Variants in SLC44A5 observed in about 807,000 individuals in gnomAD.
SLC44A5 encodes choline transporter-like protein 5.
Under a neutral mutation model 101.8 loss-of-function variants are expected in SLC44A5, and 57 were observed. The observed-to-expected ratio is 0.56, with a 90% CI of 0.45 to 0.70. The LOEUF is 0.70. Ranked by LOEUF, SLC44A5 falls within the 30% of genes least tolerant of loss-of-function variation. The pLI is 0.00. For synonymous variants in SLC44A5, 281 were observed against 290.9 expected, an observed-to-expected ratio of 0.97 and a Z score of 0.35; for missense variants, 737 against 853.1, an observed-to-expected ratio of 0.86 and a Z score of 1.70.
At chr1:75,697,715 G>A in the SLC44A5 span, among the ~76,000 whole-genome samples, 20 of 152,202 alleles carry the variant, frequency 1.3e-4, no homozygotes, top group East Asian at 3.9e-4. Context: ...GAAGACGGGC[G>A]ATTTCTGCAT....
At chr1:75,230,169 T>C (rs1647416501) in intron 12 of SLC44A5, among the ~76,000 whole-genome samples, 1 of 152,232 alleles carries the variant, frequency 6.6e-6, no homozygotes, top group Admixed American at 6.5e-5. Context: ...TCTTCATGTA[T>C]GCCTGGACGT....
intron 5 of SLC44A5, among the ~76,000 whole-genome samples, chr1:75,279,891 T>C (rs1483715222): frequency 6.6e-6 from 1 of 151,794 alleles, no homozygotes; most frequent in Non-Finnish European, 1.5e-5. Context: ...TAGTATTTTG[T>C]CTCTCAACCC....
chr1:75,693,258 T>C, the SLC44A5 span, among the ~76,000 whole-genome samples: 1 of 152,236 alleles, frequency 6.6e-6, no homozygotes, highest in Admixed American at 6.5e-5. Flanking sequence ...TGGTGCCATC[T>C]GATAGCAGTT....
chr1:75,584,970 T>C (rs1027355784), intron 1 of SLC44A5, among the ~76,000 whole-genome samples: 6 of 152,214 alleles, frequency 3.9e-5, no homozygotes, highest in Non-Finnish European at 7.3e-5. Context: ...ATAACTTATC[T>C]TTCTTATTCT....
At chr1:75,265,482 C>T (rs185510131) in intron 6 of SLC44A5, among the ~76,000 whole-genome samples, 4 of 152,064 alleles carry the variant, frequency 2.6e-5, no homozygotes, top group South Asian at 2.1e-4. Flanking sequence ...AGAAGGAATA[C>T]ATTTTAATGT....
At chr1:75,547,406 A>T (rs1338166924) in intron 1 of SLC44A5, among the ~76,000 whole-genome samples, 3 of 152,194 alleles carry the variant, frequency 2.0e-5, no homozygotes, top group Non-Finnish European at 1.5e-5. Flanking sequence ...ATTTTAAATA[A>T]GTGGAACTGA....
At chr1:75,306,865 G>T (rs1654950567) in intron 4 of SLC44A5, among the ~76,000 whole-genome samples, 4 of 149,002 alleles carry the variant, frequency 2.7e-5, no homozygotes, top group Non-Finnish European at 5.9e-5. Flanking sequence ...CTCCCGAGTA[G>T]CTGGGACTAC....
At chr1:75,413,616 C>T (rs2101523264) in intron 2 of SLC44A5, among the ~76,000 whole-genome samples, 1 of 152,184 alleles carries the variant, frequency 6.6e-6, no homozygotes, top group South Asian at 2.1e-4. Context: ...TATTTGCTAA[C>T]AGGATTATAA....
chr1:75,244,761 G>A (rs1648965005), intron 7 of SLC44A5, among the ~76,000 whole-genome samples: 1 of 152,030 alleles, frequency 6.6e-6, no homozygotes, highest in African/African-American at 2.4e-5. Context: ...CAGAGGGAAG[G>A]CAGAATCAGA....
At chr1:75,581,690 T>C (rs1673706803) in intron 1 of SLC44A5, among the ~76,000 whole-genome samples, 1 of 152,186 alleles carries the variant, frequency 6.6e-6, no homozygotes. Flanking sequence ...ATGGGAAGTG[T>C]CTGGGTCATG....
At chr1:75,355,295 T>C (rs770629914) in intron 3 of SLC44A5, among the ~76,000 whole-genome samples, 2 of 152,172 alleles carry the variant, frequency 1.3e-5, no homozygotes, top group African/African-American at 4.8e-5. Context: ...ACAAAAGATA[T>C]AGTAGAAAGA....
At chr1:75,275,776 A>G (rs1200295429) in intron 5 of SLC44A5, among the ~76,000 whole-genome samples, 3 of 152,298 alleles carry the variant, frequency 2.0e-5, no homozygotes, top group East Asian at 1.9e-4. Flanking sequence ...TATTAGGTCA[A>G]TTAGGAAATG....
chr1:75,473,591 T>C lies in SLC44A5; in HGVS notation c.13+67844A>G, dbSNP rs1476393347. On this transcript the variant is annotated intron_variant, in intron 2 of 23. Coordinates refer to ENST00000370859, the MANE Select transcript of SLC44A5 (RefSeq NM_001130058.2). Reference sequence around the variant, plus strand: ...GCCCCACTCAAAATCCATTCACACATAGATGTTTTCTTATTCACATTTCTA... The same window carrying C: ...GCCCCACTCAAAATCCATTCACACACAGATGTTTTCTTATTCACATTTCTA... Among the ~76,000 whole-genome samples, 7 of 152,306 alleles carry C rather than the reference T, an allele frequency of 4.6e-5. No individual in the cohort carries two copies. In the East Asian group the frequency reaches 7.7e-4, roughly 17 times the overall value.
At chr1:75,471,520 T>C (rs1443087965) in intron 2 of SLC44A5, among the ~76,000 whole-genome samples, 8 of 152,056 alleles carry the variant, frequency 5.3e-5, no homozygotes, top group Non-Finnish European at 1.2e-4. Flanking sequence ...TAGCCTTTTA[T>C]CTCAATCATG....
intron 3 of SLC44A5, among the ~76,000 whole-genome samples, chr1:75,351,498 C>A (rs1658654504): frequency 6.6e-6 from 1 of 151,848 alleles, no homozygotes; most frequent in African/African-American, 2.4e-5. Flanking sequence ...TTAAGCAGTG[C>A]ACAAAAAGAA....
intron 3 of SLC44A5, among the ~76,000 whole-genome samples, chr1:75,387,040 A>G (rs530922009): frequency 1.3e-5 from 2 of 152,120 alleles, no homozygotes; most frequent in Non-Finnish European, 2.9e-5. Flanking sequence ...CCTTCCTTAC[A>G]CCTTATACAA....
chr1:75,211,323 A>G (rs1646848461), intron 23 of SLC44A5, 145 bp downstream of exon 23: 2 of 571,648 alleles, frequency 3.5e-6, no homozygotes, highest in Non-Finnish European at 6.3e-6. Context: ...AACATCTACT[A>G]AGCAATATCT....
chr1:75,704,725 T>A, the SLC44A5 span, among the ~76,000 whole-genome samples: 2 of 152,234 alleles, frequency 1.3e-5, no homozygotes, highest in African/African-American at 4.8e-5. Context: ...AACTGTTTAA[T>A]ATTATTTCTA....
chr1:75,705,744 C>A, the SLC44A5 span, among the ~76,000 whole-genome samples: 1 of 152,142 alleles, frequency 6.6e-6, no homozygotes, highest in Admixed American at 6.5e-5. Context: ...GTGGTGCAAT[C>A]TCGGCTCACA....
Sources: gnomAD v4.1 joint callset for allele counts (sites outside exome capture counted in the v4.1 genomes callset) on GRCh38, gnomAD v4.1.1 for gene constraint, MANE v1.5 for transcripts, NCBI Gene and HGNC (gene_info 2026-07-23, HGNC 2026-07-21) for gene names.